SLC9C2: variants seen among roughly 807,000 people sequenced by gnomAD.
The protein encoded by SLC9C2 is sodium/hydrogen exchanger 11.
Under a neutral mutation model 140.2 loss-of-function variants are expected in SLC9C2, and 75 were observed. That is an observed-to-expected ratio of 0.53 (90% confidence interval 0.44 to 0.65). The LOEUF (loss-of-function observed/expected upper bound fraction) is 0.65. SLC9C2 is among the 30% of genes least tolerant of loss of function. The probability of loss-of-function intolerance (pLI) is 0.00; values close to 1 mark genes in which losing one functional copy is unlikely to be tolerated. For missense variants in SLC9C2, 1,074 were observed against 1,331.8 expected (o/e 0.81, Z 3.01); for synonymous variants, 375 against 420.9 (o/e 0.89, Z 1.34).
intron 26 of SLC9C2, among the ~76,000 whole-genome samples, chr1:173,504,754 A>T (rs1389414722): frequency 6.6e-6 from 1 of 152,206 alleles, no homozygotes; most frequent in East Asian, 1.9e-4. Flanking sequence ...ATGCTAATAA[A>T]TGTAACTATA....
At chr1:173,518,073 A>G (rs1265888023) in intron 22 of SLC9C2, among the ~76,000 whole-genome samples, 1 of 152,172 alleles carries the variant, frequency 6.6e-6, no homozygotes, top group Non-Finnish European at 1.5e-5. Context: ...AGCCTGGCCA[A>G]CATGGTGAAA....
In SLC9C2 at chr1:173,517,709, A is replaced by G. The variant is rs1032340900; in HGVS notation, c.2740-5T>C. The G allele has an allele frequency of 6.3e-7, 1 of 1,596,290 alleles. No individual in the cohort carries two copies. Among genetic ancestry groups the G allele is most frequent in the Non-Finnish European group, 8.5e-7 (1 of 1,175,162 alleles). On this transcript the variant is annotated splice_polypyrimidine_tract_variant and splice_region_variant and intron_variant, in intron 22 of 27. Transcript: ENST00000367714. ...GGTAGGAGATAAACTATGCAACTGC[A>G]AAGGGAAAAAAAGTGTGCAAAGGGA...
At chr1:173,510,361 G>A (rs1242608769) in intron 23 of SLC9C2, among the ~76,000 whole-genome samples, 1 of 152,162 alleles carries the variant, frequency 6.6e-6, no homozygotes, top group African/African-American at 2.4e-5. Flanking sequence ...TACAAGTACA[G>A]AATGCGTAGG....
intron 8 of SLC9C2, among the ~76,000 whole-genome samples, chr1:173,574,295 C>A (rs1463013502): frequency 6.6e-6 from 1 of 152,126 alleles, no homozygotes; most frequent in Non-Finnish European, 1.5e-5. Context: ...AAGGAAGCCT[C>A]GTTTTAGCTG....
intron 13 of SLC9C2, among the ~76,000 whole-genome samples, chr1:173,543,422 A>T (rs1662590852): frequency 6.6e-6 from 1 of 152,230 alleles, no homozygotes; most frequent in Admixed American, 6.5e-5. Flanking sequence ...GAAAATGGCC[A>T]TACTGCCCAA....
intron 22 of SLC9C2, among the ~76,000 whole-genome samples, chr1:173,518,007 T>A (rs1428993292): frequency 1.3e-5 from 2 of 152,142 alleles, no homozygotes; most frequent in Non-Finnish European, 2.9e-5. Context: ...ACGCCTGTAA[T>A]CCCAGCACTT....
At chr1:173,533,487 C>A in intron 17 of SLC9C2, 122 bp downstream of exon 17, 1 of 664,786 alleles carries the variant, frequency 1.5e-6, no homozygotes. Flanking sequence ...CTATGTTACC[C>A]AGGTTGTCTC....
intron 9 of SLC9C2, among the ~76,000 whole-genome samples, chr1:173,559,133 G>A (rs993649469): frequency 1.3e-5 from 2 of 152,184 alleles, no homozygotes; most frequent in African/African-American, 2.4e-5. Flanking sequence ...ATGAGCTCTC[G>A]TGGCAGAACG....
At position 173,587,762 on chromosome 1, in the gene SLC9C2, G is replaced by A. The variant is rs1309721623; in HGVS notation, c.426C>T (p.Phe142=). Residue 142 remains phenylalanine, a synonymous_variant, in exon 5 of 28, where the codon TTC becomes TTT. Transcript: ENST00000367714. ...SIIIGYVVIK[F]NKDSWDLQSC... is the part of the protein sequence containing the mutation. ...ATTGCAAATCCCATGAATCTTTATT[G>A]AATTTTATAACGACATATCCAATTA... 6.2e-7 allele frequency: 1 copy of A among 1,613,118 alleles called. No homozygotes were observed. The highest frequency in any genetic ancestry group is 8.5e-7 in the Non-Finnish European group (1 of 1,179,386).
In SLC9C2 at chr1:173,567,591, T is replaced by A. The variant is rs1664557695; in HGVS notation, c.1046+5591A>T. On this transcript the variant is annotated intron_variant, in intron 9 of 27. Coordinates refer to ENST00000367714, the MANE Select transcript of SLC9C2 (RefSeq NM_178527.4). ...TTCTTGGAGACAACAGATCATTGGG[T>A]CTTGTTTTTTATTATTAATTCATCC... 2.6e-5 allele frequency among the ~76,000 whole-genome samples: 4 copies of A among 152,144 alleles called. No individual in the cohort carries two copies. The South Asian group carries it at 8.3e-4, about 32-fold the overall frequency.
At chr1:173,536,227 A>G (rs2102005276) in intron 14 of SLC9C2, among the ~76,000 whole-genome samples, 1 of 152,274 alleles carries the variant, frequency 6.6e-6, no homozygotes, top group Admixed American at 6.5e-5. Flanking sequence ...TTCCTTTGTC[A>G]TGCTGGTCTG....
At position 173,534,558 on chromosome 1, in the gene SLC9C2, C is replaced by T. The variant is rs1357185576; in HGVS notation, c.1900G>A (p.Gly634Ser). The change falls in exon 16 of 28, where the codon GGT becomes AGT. Residue 634 changes from glycine (G) to serine (S), a missense_variant. Transcript: ENST00000367714. Reference sequence around the variant, plus strand: ...GATATCAGTGCTGATACATTTAAACCTCTTGCCATTGGCCACAGATGTATT... The same window carrying T: ...GATATCAGTGCTGATACATTTAAACTTCTTGCCATTGGCCACAGATGTATT... ...MIIHLWPMAR[G>S]LNVSALISIN... The T allele has an allele frequency of 1.3e-6, 2 of 1,598,014 alleles. No homozygotes were observed. The highest frequency in any genetic ancestry group is 1.7e-6 in the Non-Finnish European group (2 of 1,173,612).
chr1:173,565,171 GTTGA>G (rs569771415), intron 9 of SLC9C2, among the ~76,000 whole-genome samples: 2 of 151,832 alleles, frequency 1.3e-5, no homozygotes, highest in Non-Finnish European at 2.9e-5. Context: ...TCTTCAATTT[GTTGA>G]TTGTTTCCTT....
intron 27 of SLC9C2, among the ~76,000 whole-genome samples, chr1:173,501,877 A>T (rs1659297743): frequency 6.6e-6 from 1 of 152,142 alleles, no homozygotes; most frequent in Non-Finnish European, 1.5e-5. Flanking sequence ...TATTCTGCAG[A>T]CTACCTTGAT....
At position 173,576,646 on chromosome 1, in the gene SLC9C2, C is replaced by T. The variant is rs1345794002; in HGVS notation, c.902+15G>A. 7 of 1,552,872 alleles carry T rather than the reference C, an allele frequency of 4.5e-6. No homozygotes were observed. Among genetic ancestry groups the T allele is most frequent in the South Asian group, 2.3e-5 (2 of 87,634 alleles). On this transcript the variant is annotated intron_variant, in intron 8 of 27. Transcript: ENST00000367714. ...CTGCTATGAGATCCATCGAAGGGCA[C>T]GATAGGAAACTTACTTAGTAATTAC...
intron 5 of SLC9C2, 88 bp from the exon 6 acceptor site, chr1:173,583,710 G>A: frequency 2.8e-6 from 2 of 720,818 alleles, no homozygotes; most frequent in African/African-American, 1.9e-5. Context: ...AGAAAGAACA[G>A]AAAAAGAAAA....
chr1:173,579,389 C>T (rs888963733), intron 7 of SLC9C2, among the ~76,000 whole-genome samples: 1 of 152,174 alleles, frequency 6.6e-6, no homozygotes, highest in South Asian at 2.1e-4. Context: ...TGAAAATTGA[C>T]AAGCACTGCA....
chr1:173,539,422 A>G (rs1485442971), intron 13 of SLC9C2, among the ~76,000 whole-genome samples: 1 of 152,222 alleles, frequency 6.6e-6, no homozygotes, highest in Non-Finnish European at 1.5e-5. Context: ...AGCTTGGAGA[A>G]GGATAGAGGA....
rs757608042 is a variant in SLC9C2 at position 173,505,283 on chromosome 1, C to G, written c.3274G>C (p.Glu1092Gln). Residue 1092 changes from glutamate (E) to glutamine (Q), a missense_variant, in exon 26 of 28, where the codon GAG (glutamate) becomes CAG (glutamine). Coordinates refer to ENST00000367714, the MANE Select transcript of SLC9C2 (RefSeq NM_178527.4). ...LSKLLIIQAS[E>Q]LTQRNSNTNV... is the part of the protein sequence containing the mutation. ...GTGTTACTATTTCTTTGGGTAAGCT[C>G]AGATGCTTGGATTATCAGCAGCTTG... 2.8e-5 allele frequency: 45 copies of G among 1,614,020 alleles called. No homozygotes were observed. Among genetic ancestry groups the G allele is most frequent in the Non-Finnish European group, 3.8e-5 (45 of 1,180,016 alleles).
Sources: gnomAD v4.1 joint callset for allele counts (sites outside exome capture counted in the v4.1 genomes callset) on GRCh38, gnomAD v4.1.1 for gene constraint, MANE v1.5 for transcripts, NCBI Gene and HGNC (gene_info 2026-07-23, HGNC 2026-07-21) for gene names.